Variants in C17orf58 observed in about 807,000 individuals in gnomAD.
C17orf58 encodes chromosome 17 open reading frame 58.
A neutral mutation model predicts 7.4 loss-of-function variants in C17orf58; 5 were observed. The ratio of observed to expected loss-of-function variants is 0.67; its 90% CI spans 0.35 to 1.42. C17orf58 has a LOEUF of 1.42. Ranked by LOEUF, C17orf58 falls within the 40% of genes most tolerant of loss-of-function variation. The probability of loss-of-function intolerance (pLI) is 0.04; values close to 1 mark genes in which losing one functional copy is unlikely to be tolerated. For synonymous variants in C17orf58, 60 were observed against 70.6 expected (o/e 0.85, Z 0.75); for missense variants, 162 against 174.2 (o/e 0.93, Z 0.40).
In C17orf58 at chr17:67,991,887, G is replaced by C. The variant is rs534885788; in HGVS notation, c.*26C>G. 6.4e-7 allele frequency: 1 copy of C among 1,562,038 alleles called. No individual in the cohort carries two copies. Among genetic ancestry groups the C allele is most frequent in the African/African-American group, 1.4e-5 (1 of 73,880 alleles). On this transcript the variant is annotated 3_prime_UTR_variant, in exon 4 of 4. Coordinates refer to ENST00000580729, the MANE Select transcript of C17orf58 (RefSeq NM_001382359.1). ...TGTTGCCGACGTCCAAGTCTCTTGC[G>C]GTCCAGAAATGCCAGGATGGTTGTT...
rs1555699301 is a variant in C17orf58, at chr17:67,992,019, A to G, written c.914T>C (p.Leu305Pro). Reference protein sequence around the residue: ...TALLQVLRGRLRPGDGLLRSS... With the variant: ...TALLQVLRGRPRPGDGLLRSS... ...CCTTAGCAGTCCATCCCCTGGACGG[A>G]GGCGGCCTCTCAGGACCTGGAGCAG... The change falls in exon 4 of 4, where the codon CTC becomes CCC. Residue 305 changes from leucine (L) to proline (P), a missense_variant. By Grantham distance (98) the Leu-to-Pro change is moderately conservative. Around this residue, in one of 3 missense-constraint regions of C17orf58, gnomAD observed 65 missense variants for 66.4 expected, o/e 0.98. Coordinates refer to ENST00000580729, the MANE Select transcript of C17orf58 (RefSeq NM_001382359.1). 1 of 1,612,934 alleles carries G rather than the reference A, an allele frequency of 6.2e-7. No homozygotes were observed. Among genetic ancestry groups the G allele is most frequent in the East Asian group, 2.2e-5 (1 of 44,864 alleles).
At position 67,991,860 on chromosome 17, in the gene C17orf58, C is replaced by A. The variant is rs1331341091; in HGVS notation, c.*53G>T. 6.7e-7 allele frequency: 1 copy of A among 1,486,648 alleles called. No individual in the cohort carries two copies. Among genetic ancestry groups the A allele is most frequent in the South Asian group, 1.4e-5 (1 of 73,920 alleles). The allele number at this position is 1,486,648 out of a possible 1,614,324, so 92.1% of individuals were successfully genotyped here. ...TTACATGAAGGTAGACCTTTCATGT[C>A]TTGTTGCCGACGTCCAAGTCTCTTG... On this transcript the variant is annotated 3_prime_UTR_variant, in exon 4 of 4. Transcript: ENST00000580729.
At chr17:67,992,791 A>G (rs1372801109) in intron 3 of C17orf58, 8 of 1,346,208 alleles carry the variant, frequency 5.9e-6, no homozygotes, top group South Asian at 1.5e-5. Context: ...CGTCCACCCC[A>G]TTTGTCAACA....
In C17orf58 at chr17:67,993,845, C is replaced by T. The variant is rs7502307; in HGVS notation, c.216G>A (p.Trp72Ter). ...AAEVAPAARA[W>*]PDPRRRKPPP... ...GGGGCTTCCGGCGGCGCGGGTCAGG[C>T]CAGGCGCGGGCGGCGGGAGCGACCT... Residue 72 changes from tryptophan to a stop codon, truncating the protein, a stop_gained, in exon 2 of 4, where the codon TGG becomes TGA. Transcript: ENST00000580729. LOFTEE classifies it high-confidence loss of function. This position sits in a 1 kb window ranked among gnomAD's most constrained non-coding sequence, Gnocchi z 5.1. The T allele has an allele frequency of 3.0e-6, 1 of 328,272 alleles. No individual in the cohort carries two copies. The highest frequency in any genetic ancestry group is 5.4e-6 in the Non-Finnish European group (1 of 184,262). The allele number at this position is 328,272 out of a possible 1,614,324, so 20.3% of individuals were successfully genotyped here.
chr17:67,993,603 G>C lies in C17orf58; in HGVS notation c.458C>G (p.Pro153Arg), dbSNP rs2070862096. 3.2e-5 allele frequency: 5 copies of C among 155,374 alleles called. No homozygotes were observed. In the South Asian group the frequency reaches 8.8e-4, roughly 27 times the overall value. 9.6% of individuals were successfully genotyped at this position (155,374 alleles called of 1,614,324 possible). A position where few individuals can be genotyped will look rare whatever the true frequency, so the allele number is the denominator to read the frequency against. Residue 153 changes from proline to arginine, a missense_variant, in exon 2 of 4, where the codon CCC becomes CGC. By Grantham distance (103) the Pro-to-Arg change is moderately radical (BLOSUM62 -2). Transcript: ENST00000580729. The surrounding 1 kb of genome is among the most constrained non-coding windows in gnomAD (Gnocchi z 5.1). ...ATEGSAGHAHPNRPRAAALAP... is the reference protein window; with the variant it reads ...ATEGSAGHAHRNRPRAAALAP... Reference sequence around the variant, plus strand: ...CAGCGCGGCGGCGCGCGGCCGGTTGGGGTGGGCGTGGCCGGCGGAGCCCTC... The same window carrying C: ...CAGCGCGGCGGCGCGCGGCCGGTTGCGGTGGGCGTGGCCGGCGGAGCCCTC...
At chr17:67,995,205 G>A (rs566855149) in intron 1 of C17orf58, among the ~76,000 whole-genome samples, 1 of 152,310 alleles carries the variant, frequency 6.6e-6, no homozygotes, top group African/African-American at 2.4e-5. Flanking sequence ...ATAATAGCTG[G>A]TTAGAGTTCA....
In C17orf58 at chr17:67,993,266, A is replaced by T. The variant is rs1244842856; in HGVS notation, c.638-31T>A. The stretch of plus-strand genomic sequence containing the variant: ...TCCGAAAAACAGTTTGGAGAAGAGC[A>T]TTACCCCGAGTTCCTCTCCCAGTCC... On this transcript the variant is annotated intron_variant, in intron 2 of 3. Transcript: ENST00000580729. This position sits in a 1 kb window ranked among gnomAD's most constrained non-coding sequence, Gnocchi z 5.1. 3 of 1,370,058 alleles carry T rather than the reference A, an allele frequency of 2.2e-6. No individual in the cohort carries two copies. The African/African-American group carries it at 4.3e-5, about 20-fold the overall frequency. 84.9% of individuals were successfully genotyped at this position (1,370,058 alleles called of 1,614,324 possible).
Position 67,991,869 on chromosome 17 carries a change from G to T in C17orf58, c.*44C>A. 6.6e-7 allele frequency: 1 copy of T among 1,514,408 alleles called. No individual in the cohort carries two copies. The highest frequency in any genetic ancestry group is 1.8e-4 in the Middle Eastern group (1 of 5,426). 93.8% of individuals were successfully genotyped at this position (1,514,408 alleles called of 1,614,324 possible). A position where few individuals can be genotyped will look rare whatever the true frequency, so the allele number is the denominator to read the frequency against. Reference sequence around the variant, plus strand: ...GGTAGACCTTTCATGTCTTGTTGCCGACGTCCAAGTCTCTTGCGGTCCAGA... The same window carrying T: ...GGTAGACCTTTCATGTCTTGTTGCCTACGTCCAAGTCTCTTGCGGTCCAGA... On this transcript the variant is annotated 3_prime_UTR_variant, in exon 4 of 4. Transcript: ENST00000580729.
Position 67,996,273 on chromosome 17 carries a change from C to T in C17orf58, c.-75G>A, listed in dbSNP as rs1225305176. 1.3e-5 allele frequency: 5 copies of T among 397,530 alleles called. No individual in the cohort carries two copies. The highest frequency in any genetic ancestry group is 2.2e-5 in the Non-Finnish European group (5 of 225,774). 24.6% of individuals were successfully genotyped at this position (397,530 alleles called of 1,614,324 possible). ...TGCTTTCTCTCCCCCAACCCCTTCT[C>T]CACACCCCCACCCCCGTTCATGCTA... is the stretch of plus-strand genomic sequence containing the variant. On this transcript the variant is annotated 5_prime_UTR_variant, in exon 1 of 4. Coordinates refer to ENST00000580729, the MANE Select transcript of C17orf58 (RefSeq NM_001382359.1).
At chr17:67,994,512 G>A (rs374447387) in intron 1 of C17orf58, among the ~76,000 whole-genome samples, 37,984 of 77,180 alleles carry the variant, frequency 0.49, 10,944 homozygotes, top group Non-Finnish European at 0.66. Flanking sequence ...GTGTGTGTGT[G>A]TGTGTATATA....
rs1443280208 is a variant in C17orf58, at chr17:67,993,206, C to T, written c.667G>A (p.Val223Met). The change falls in exon 3 of 4, where the codon GTG (valine) becomes ATG (methionine). Residue 223 changes from valine (V) to methionine (M), a missense_variant. Transcript: ENST00000580729. The surrounding 1 kb of genome is among the most constrained non-coding windows in gnomAD (Gnocchi z 5.1). Reference sequence around the variant, plus strand: ...ACCAGCCGGATGCCCGCGCCCAGCACGTCCACATCGTGCACGATCCCGTTC... The same window carrying T: ...ACCAGCCGGATGCCCGCGCCCAGCATGTCCACATCGTGCACGATCCCGTTC... The part of the protein sequence containing the change: ...AVNGIVHDVD[V>M]LGAGIRLVTL... 3.7e-6 allele frequency: 6 copies of T among 1,605,490 alleles called. No individual in the cohort carries two copies. The highest frequency in any genetic ancestry group is 4.3e-6 in the Non-Finnish European group (5 of 1,174,910).
chr17:67,993,126 G>C lies in C17orf58; in HGVS notation c.747C>G (p.Thr249=). Residue 249 remains threonine, a synonymous_variant, in exon 3 of 4, where the codon ACC becomes ACG. Transcript: ENST00000580729. The surrounding 1 kb of genome is among the most constrained non-coding windows in gnomAD (Gnocchi z 5.1). ...GLYKMNRLYL[T]PDGFFFRVHM... Reference sequence around the variant, plus strand: ...GGACTCGGAAGAAGAAGCCGTCGGGGGTGAGGTACAGGCGGTTCATCTTGT... The same window carrying C: ...GGACTCGGAAGAAGAAGCCGTCGGGCGTGAGGTACAGGCGGTTCATCTTGT... The C allele has an allele frequency of 6.2e-7, 1 of 1,614,042 alleles. No individual in the cohort carries two copies. The highest frequency in any genetic ancestry group is 8.5e-7 in the Non-Finnish European group (1 of 1,179,944).
rs2070847764 is a variant in C17orf58 at position 67,992,855 on chromosome 17, G to T, written c.829+189C>A. On this transcript the variant is annotated intron_variant, in intron 3 of 3. Coordinates refer to ENST00000580729, the MANE Select transcript of C17orf58 (RefSeq NM_001382359.1). The stretch of plus-strand genomic sequence containing the variant: ...AACCCTTGCTGTTCTCACCCTTGAG[G>T]GTGGGGGCTGACAGGGCTTAAATCA... 3 of 1,589,476 alleles carry T rather than the reference G, an allele frequency of 1.9e-6. No homozygotes were observed. In the Admixed American group the frequency reaches 5.2e-5, roughly 28 times the overall value.
chr17:67,991,939 C>G lies in C17orf58; in HGVS notation c.994G>C (p.Gly332Arg), dbSNP rs782385441. ...CAAATGCATTGGGTATGAATTGCAC[C>G]TTGAATCTGCCCTTCCCTTTTTCGA... ...FNRKREGQIQ[G>R]AIHTQCI is the part of the protein sequence containing the mutation. The change falls in exon 4 of 4, where the codon GGT (glycine) becomes CGT (arginine). Residue 332 changes from glycine (G) to arginine (R), a missense_variant. Physicochemically the swap from Gly to Arg is moderately radical, Grantham distance 125. Coordinates refer to ENST00000580729, the MANE Select transcript of C17orf58 (RefSeq NM_001382359.1). 8.1e-6 allele frequency: 13 copies of G among 1,611,934 alleles called. No homozygotes were observed. Among genetic ancestry groups the G allele is most frequent in the Admixed American group, 6.7e-5 (4 of 59,782 alleles).
chr17:67,995,696 C>T (rs1422118655), intron 1 of C17orf58, among the ~76,000 whole-genome samples: 3 of 152,190 alleles, frequency 2.0e-5, no homozygotes, highest in Admixed American at 6.5e-5. Context: ...GATTTCGGCC[C>T]CGCTTCCCCC....
chr17:67,991,844 G>T lies in C17orf58; in HGVS notation c.*69C>A. The stretch of plus-strand genomic sequence containing the variant: ...TCTGAAGGAGGACCCATTACATGAA[G>T]GTAGACCTTTCATGTCTTGTTGCCG... On this transcript the variant is annotated 3_prime_UTR_variant, in exon 4 of 4. Coordinates refer to ENST00000580729, the MANE Select transcript of C17orf58 (RefSeq NM_001382359.1). 1 of 1,333,496 alleles carries T rather than the reference G, an allele frequency of 7.5e-7. No individual in the cohort carries two copies. The highest frequency in any genetic ancestry group is 1.5e-5 in the South Asian group (1 of 68,964). 82.6% of individuals were successfully genotyped at this position (1,333,496 alleles called of 1,614,324 possible).
At chr17:67,995,999 C>T in intron 1 of C17orf58, 124 bp downstream of exon 1, 1 of 397,670 alleles carries the variant, frequency 2.5e-6, no homozygotes. Flanking sequence ...AACGCAGACC[C>T]GGGGTGTCCT....
At chr17:67,994,056 A>G in intron 1 of C17orf58, 72 bp from the exon 2 acceptor site, 1 of 368,278 alleles carries the variant, frequency 2.7e-6, no homozygotes, top group Non-Finnish European at 4.8e-6. Context: ...CCGTCGGGGA[A>G]AGCCGAGGAA....
chr17:67,994,588 A>G (rs2070877205), intron 1 of C17orf58, among the ~76,000 whole-genome samples: 1 of 148,640 alleles, frequency 6.7e-6, no homozygotes, highest in African/African-American at 2.5e-5. Flanking sequence ...TTGAGAAAGT[A>G]CCAAGAGCAA....
Sources: gnomAD v4.1 joint callset for allele counts (sites outside exome capture counted in the v4.1 genomes callset) on GRCh38, gnomAD v4.1.1 for gene constraint, gnomAD v4.1.1 regional missense constraint, Gnocchi (gnomAD v3.1) non-coding constraint, MANE v1.5 for transcripts, NCBI Gene and HGNC (gene_info 2026-07-23, HGNC 2026-07-21) for gene names.